Variants in RELN observed in about 807,000 individuals in gnomAD.
The protein encoded by RELN is reelin.
Under a neutral mutation model 427.6 loss-of-function variants are expected in RELN, and 108 were observed. The ratio of observed to expected loss-of-function variants is 0.25; its 90% confidence interval spans 0.22 to 0.30. RELN has a LOEUF of 0.30. Among genes scored for constraint, RELN ranks in the 10% least tolerant of loss-of-function variants. The pLI is 1.00. For synonymous variants in RELN, 1,524 were observed against 1,513.4 expected (o/e 1.01, Z -0.16); for missense variants, 3,715 against 4,302.8 (o/e 0.86, Z 3.82).
At chr7:103,697,350 C>T (rs1419958258) in intron 10 of RELN, among the ~76,000 whole-genome samples, 2 of 152,050 alleles carry the variant, frequency 1.3e-5, no homozygotes, top group Admixed American at 1.3e-4. Context: ...ACACACGATT[C>T]CTCCTTCCTG....
At position 103,553,942 on chromosome 7, in the gene RELN, A is replaced by C. The variant is rs756317501; in HGVS notation, c.5798-111T>G. On this transcript the variant is annotated intron_variant, in intron 38 of 64. Transcript: ENST00000428762. ...AAGCAACTCAGTAACAATAGGTTAAACATATGCCTTCTACAGGAGGATTGT... is the reference window on the plus strand; with the variant it reads ...AAGCAACTCAGTAACAATAGGTTAACCATATGCCTTCTACAGGAGGATTGT... 3.0e-5 allele frequency: 26 copies of C among 860,034 alleles called. 1 individual carries two copies. The highest frequency in any genetic ancestry group is 5.7e-4 in the Middle Eastern group (2 of 3,484). 53.3% of individuals were successfully genotyped at this position (860,034 alleles called of 1,614,324 possible).
At chr7:103,487,552 A>C (rs1348864558) in intron 60 of RELN, among the ~76,000 whole-genome samples, 7 of 151,994 alleles carry the variant, frequency 4.6e-5, no homozygotes, top group Non-Finnish European at 1.5e-5. Context: ...TTGGAAAAAA[A>C]ATCCAATTTT....
intron 8 of RELN, among the ~76,000 whole-genome samples, chr7:103,709,167 G>T (rs1175889652): frequency 6.6e-6 from 1 of 152,048 alleles, no homozygotes. Context: ...TCTATTTTCA[G>T]CAGGATAGGG....
chr7:103,574,164 C>T lies in RELN; in HGVS notation c.4439G>A (p.Gly1480Asp). The change falls in exon 30 of 65, where the codon GGC (glycine) becomes GAC (aspartate). Residue 1480 changes from glycine (G) to aspartate (D), a missense_variant. This residue lies in a region of RELN where 2,208 missense variants were observed against 2,361.7 expected (regional missense o/e 0.93). Transcript: ENST00000428762. ...VGTGCGTLNDGKSLYFNGPGK... is the reference protein window; with the variant it reads ...VGTGCGTLNDDKSLYFNGPGK... Reference sequence around the variant, plus strand: ...AGGGCCATTGAAGTAGAGAGATTTGCCATCGTTAAGTGTTCCACAGCCAGT... The same window carrying T: ...AGGGCCATTGAAGTAGAGAGATTTGTCATCGTTAAGTGTTCCACAGCCAGT... 1 of 1,614,164 alleles carries T rather than the reference C, an allele frequency of 6.2e-7. No homozygotes were observed. The highest frequency in any genetic ancestry group is 8.5e-7 in the Non-Finnish European group (1 of 1,180,024).
chr7:103,863,832 T>A (rs1794129624), intron 2 of RELN, among the ~76,000 whole-genome samples: 1 of 151,994 alleles, frequency 6.6e-6, no homozygotes, highest in Non-Finnish European at 1.5e-5. Context: ...TTTTTTTTTT[T>A]AGAAAAAAAT....
intron 3 of RELN, among the ~76,000 whole-genome samples, chr7:103,809,663 G>A (rs572200323): frequency 7.2e-5 from 11 of 152,314 alleles, no homozygotes; most frequent in Middle Eastern, 3.4e-3. Flanking sequence ...TCTTTGACCC[G>A]TCTGGGCTGT....
intron 2 of RELN, among the ~76,000 whole-genome samples, chr7:103,837,706 C>T (rs1020266852): frequency 6.6e-6 from 1 of 152,186 alleles, no homozygotes; most frequent in Non-Finnish European, 1.5e-5. Flanking sequence ...CTCACTGCCC[C>T]TGCCCCATGT....
In RELN at chr7:103,626,377, G is replaced by A. The variant is rs1832329206; in HGVS notation, c.2702+3563C>T. ...ACTTATATATTTATTTAGAGACAGA[G>A]TCTTGCTCTGTCACCCAGGCTGGAG... On this transcript the variant is annotated intron_variant, in intron 20 of 64. Coordinates refer to ENST00000428762, the MANE Select transcript of RELN (RefSeq NM_005045.4). The surrounding 1 kb of genome is among the most constrained non-coding windows in gnomAD (Gnocchi z 4.4). 6.6e-6 allele frequency among the ~76,000 whole-genome samples: 1 copy of A among 152,060 alleles called. No homozygotes were observed.
intron 54 of RELN, 51 bp downstream of exon 54, chr7:103,498,026 G>A (rs754043161): frequency 1.9e-6 from 3 of 1,605,130 alleles, no homozygotes; most frequent in African/African-American, 1.3e-5. Context: ...CCTTGCTTTG[G>A]GACCAATTTG....
chr7:103,735,873 T>C (rs1170939899), intron 6 of RELN, among the ~76,000 whole-genome samples: 1 of 152,214 alleles, frequency 6.6e-6, no homozygotes, highest in Non-Finnish European at 1.5e-5. Flanking sequence ...TTCTATAAGC[T>C]TGCATTTCTG....
rs141539733 is a variant in RELN at position 103,551,143 on chromosome 7, T to C, written c.6226A>G (p.Ser2076Gly). 1.2e-6 allele frequency: 2 copies of C among 1,613,850 alleles called. No individual in the cohort carries two copies. Among genetic ancestry groups the C allele is most frequent in the Non-Finnish European group, 1.7e-6 (2 of 1,179,976 alleles). ...SSLCSTEHHPSSTYYAGTMQG... is the reference protein window; with the variant it reads ...SSLCSTEHHPGSTYYAGTMQG... The stretch of plus-strand genomic sequence containing the variant: ...ATGGTTCCTGCGTAGTAGGTGCTGC[T>C]GGGGTGGTGCTCGGTGGAGCATAAA... Residue 2076 changes from serine (S) to glycine (G), a missense_variant, in exon 41 of 65, where the codon AGC becomes GGC. Ser to Gly is a moderately conservative substitution (Grantham distance 56, BLOSUM62 0). Transcript: ENST00000428762.
chr7:103,645,483 C>G (rs1161282342), intron 16 of RELN, among the ~76,000 whole-genome samples: 1 of 151,694 alleles, frequency 6.6e-6, no homozygotes, highest in Non-Finnish European at 1.5e-5. Flanking sequence ...AACAGCTATA[C>G]TTATCTAAGA....
At chr7:103,815,043 T>C (rs979896565) in intron 3 of RELN, among the ~76,000 whole-genome samples, 4 of 152,314 alleles carry the variant, frequency 2.6e-5, no homozygotes, top group Non-Finnish European at 5.9e-5. Context: ...GTTGGAGTCT[T>C]TGCTGTATAA....
intron 1 of RELN, among the ~76,000 whole-genome samples, chr7:103,926,997 G>A (rs1795759758): frequency 6.6e-6 from 1 of 151,938 alleles, no homozygotes; most frequent in Non-Finnish European, 1.5e-5. Context: ...ACTTCCATAT[G>A]TTCATTTCAA....
Position 103,573,365 on chromosome 7 carries a change from C to T in RELN, c.4511+727G>A, listed in dbSNP as rs997195798. On this transcript the variant is annotated intron_variant, in intron 30 of 64. Coordinates refer to ENST00000428762, the MANE Select transcript of RELN (RefSeq NM_005045.4). This position sits in a 1 kb window ranked among gnomAD's most constrained non-coding sequence, Gnocchi z 4.4. ...TTTCACAGCAGGCCTTCAGTCAGTACGATGTAAATTATGCCTCAGTCCATA... is the reference window on the plus strand; with the variant it reads ...TTTCACAGCAGGCCTTCAGTCAGTATGATGTAAATTATGCCTCAGTCCATA... Among the ~76,000 whole-genome samples, 4 of 152,194 alleles carry T rather than the reference C, an allele frequency of 2.6e-5. No individual in the cohort carries two copies. The highest frequency in any genetic ancestry group is 4.4e-5 in the Non-Finnish European group (3 of 68,010).
At chr7:103,969,900 G>A (rs186386790) in intron 1 of RELN, among the ~76,000 whole-genome samples, 107 of 152,170 alleles carry the variant, frequency 7.0e-4, no homozygotes, top group African/African-American at 2.4e-3. Flanking sequence ...TTAAAGAAAG[G>A]AGACTCAGAT....
intron 1 of RELN, among the ~76,000 whole-genome samples, chr7:103,951,977 G>C (rs1051243370): frequency 6.6e-6 from 1 of 152,144 alleles, no homozygotes; most frequent in African/African-American, 2.4e-5. Context: ...CCGGCCCTCT[G>C]GGCCATCTTT....
chr7:103,635,351 T>C (rs1832555672), intron 19 of RELN, 74 bp downstream of exon 19: 1 of 1,517,354 alleles, frequency 6.6e-7, no homozygotes, highest in African/African-American at 1.4e-5. Flanking sequence ...TAGAATTTTA[T>C]ACCATTTGAA....
At chr7:103,491,885 C>A in intron 58 of RELN, 68 bp downstream of exon 58, 1 of 923,812 alleles carries the variant, frequency 1.1e-6, no homozygotes, top group Non-Finnish European at 1.7e-6. Flanking sequence ...CACACACACA[C>A]ACACACACAC....
Sources: gnomAD v4.1 joint callset for allele counts (sites outside exome capture counted in the v4.1 genomes callset) on GRCh38, gnomAD v4.1.1 for gene constraint, gnomAD v4.1.1 regional missense constraint, Gnocchi (gnomAD v3.1) non-coding constraint, MANE v1.5 for transcripts, NCBI Gene and HGNC (gene_info 2026-07-23, HGNC 2026-07-21) for gene names.